Variants in ZNF385D observed in about 807,000 individuals in gnomAD.
The protein encoded by ZNF385D is zinc finger protein 659.
Under a neutral mutation model 35.8 loss-of-function variants are expected in ZNF385D, and 15 were observed. The ratio of observed to expected loss-of-function variants is 0.42; its 90% confidence interval spans 0.28 to 0.64. The LOEUF is 0.64. ZNF385D is among the 30% of genes least tolerant of loss of function. ZNF385D has a pLI of 0.23. For missense variants in ZNF385D, 474 were observed against 494.6 expected (o/e 0.96, Z 0.39); for synonymous variants, 212 against 186.8 (o/e 1.13, Z -1.10).
At chr3:22,132,320 C>G (rs941513965) in intron 3 of ZNF385D, among the ~76,000 whole-genome samples, 1 of 152,142 alleles carries the variant, frequency 6.6e-6, no homozygotes, top group Non-Finnish European at 1.5e-5. Flanking sequence ...AACGGACATT[C>G]ATCAGATACC....
chr3:21,933,487 G>A (rs908729817), intron 3 of ZNF385D, among the ~76,000 whole-genome samples: 7 of 152,130 alleles, frequency 4.6e-5, no homozygotes, highest in African/African-American at 1.7e-4. Context: ...TTGTGAAAAA[G>A]GCCAATGCTT....
At chr3:21,724,498 A>T (rs1364305500) in intron 1 of ZNF385D, among the ~76,000 whole-genome samples, 12 of 98,656 alleles carry the variant, frequency 1.2e-4, no homozygotes, top group African/African-American at 3.6e-4. Context: ...AAAAAAAAAA[A>T]AAAAAAAAAA....
At chr3:22,050,070 T>C (rs550171822) in intron 3 of ZNF385D, among the ~76,000 whole-genome samples, 7 of 152,216 alleles carry the variant, frequency 4.6e-5, no homozygotes, top group African/African-American at 1.7e-4. Context: ...ATTAGTTTAG[T>C]TAAAATGTTT....
intron 2 of ZNF385D, among the ~76,000 whole-genome samples, chr3:22,299,721 TAAAA>T (rs1316943521): frequency 6.6e-6 from 1 of 151,682 alleles, no homozygotes. Context: ...AAAATAGTTA[TAAAA>T]AATAGTAAAA....
chr3:21,911,277 T>G (rs1405568408), intron 3 of ZNF385D, among the ~76,000 whole-genome samples: 1 of 151,990 alleles, frequency 6.6e-6, no homozygotes, highest in African/African-American at 2.4e-5. Flanking sequence ...ATTTTAATAT[T>G]TAGCACATGT....
chr3:22,238,878 A>G (rs1204278108), intron 2 of ZNF385D, among the ~76,000 whole-genome samples: 1 of 150,348 alleles, frequency 6.7e-6, no homozygotes, highest in African/African-American at 2.5e-5. Context: ...GATTACAGGC[A>G]TGCACCACTA....
intron 3 of ZNF385D, among the ~76,000 whole-genome samples, chr3:21,514,298 C>T (rs1285240917): frequency 1.3e-5 from 2 of 152,110 alleles, no homozygotes; most frequent in Non-Finnish European, 2.9e-5. Context: ...AGTAACTGTA[C>T]TAATTCATTC....
intron 3 of ZNF385D, among the ~76,000 whole-genome samples, chr3:21,989,878 G>T (rs1695052605): frequency 6.6e-6 from 1 of 152,160 alleles, no homozygotes; most frequent in South Asian, 2.1e-4. Flanking sequence ...GCCGTTGAGT[G>T]AGAATTTCTT....
At chr3:22,357,649 T>G (rs910082600) in intron 2 of ZNF385D, among the ~76,000 whole-genome samples, 8 of 151,950 alleles carry the variant, frequency 5.3e-5, no homozygotes, top group African/African-American at 1.9e-4. Flanking sequence ...ATATTCATAT[T>G]AGGTCAACAG....
intron 2 of ZNF385D, among the ~76,000 whole-genome samples, chr3:21,653,812 A>T (rs551295807): frequency 2.0e-5 from 3 of 152,076 alleles, no homozygotes; most frequent in Non-Finnish European, 4.4e-5. Flanking sequence ...CAAAAGCTCC[A>T]TCTATCTGAG....
chr3:21,899,842 T>C (rs1283212552), intron 3 of ZNF385D, among the ~76,000 whole-genome samples: 1 of 152,082 alleles, frequency 6.6e-6, no homozygotes, highest in Non-Finnish European at 1.5e-5. Context: ...CCTGCCCTAC[T>C]CCCAATAGTA....
At chr3:22,004,917 T>C (rs542053401) in intron 3 of ZNF385D, among the ~76,000 whole-genome samples, 1 of 152,156 alleles carries the variant, frequency 6.6e-6, no homozygotes, top group East Asian at 1.9e-4. Context: ...CCCTGACCAC[T>C]TTGGGCACAC....
At chr3:21,542,362 A>G (rs191840548) in intron 3 of ZNF385D, among the ~76,000 whole-genome samples, 21 of 135,418 alleles carry the variant, frequency 1.6e-4, no homozygotes, top group African/African-American at 5.6e-4. Context: ...TTTTTTTCCC[A>G]GAGATGATGA....
At chr3:22,358,724 C>G (rs1338384448) in intron 2 of ZNF385D, among the ~76,000 whole-genome samples, 2 of 151,616 alleles carry the variant, frequency 1.3e-5, no homozygotes, top group Non-Finnish European at 3.0e-5. Context: ...AAATAAGATA[C>G]TATTTTGAAT....
chr3:22,340,825 C>T (rs947702680), intron 2 of ZNF385D, among the ~76,000 whole-genome samples: 1 of 152,198 alleles, frequency 6.6e-6, no homozygotes, highest in African/African-American at 2.4e-5. Flanking sequence ...AGGCTCACTG[C>T]CTTTTATGCC....
chr3:21,569,715 AT>A (rs1481422853), intron 2 of ZNF385D, among the ~76,000 whole-genome samples: 1 of 151,758 alleles, frequency 6.6e-6, no homozygotes, highest in Admixed American at 6.6e-5. Context: ...ACACCATGGA[AT>A]ACTATGCAGC....
intron 4 of ZNF385D, among the ~76,000 whole-genome samples, chr3:21,440,053 AT>A (rs1179594343): frequency 1.9e-4 from 29 of 152,102 alleles, no homozygotes; most frequent in African/African-American, 6.3e-4. Flanking sequence ...TTAAGTAGTA[AT>A]GGATTTTTCA....
intron 4 of ZNF385D, among the ~76,000 whole-genome samples, chr3:21,458,813 G>GA (rs1559310016): frequency 7.4e-6 from 1 of 135,764 alleles, no homozygotes; most frequent in African/African-American, 2.7e-5. Context: ...ATAATGCGGG[G>GA]TGGGGGGGCG....
intron 3 of ZNF385D, among the ~76,000 whole-genome samples, chr3:21,946,865 C>A (rs1352789316): frequency 6.6e-6 from 1 of 152,266 alleles, no homozygotes; most frequent in African/African-American, 2.4e-5. Context: ...AAAAAAATTA[C>A]TTTCTCATTT....
Sources: allele counts gnomAD v4.1 joint callset (sites outside exome capture counted in the v4.1 genomes callset), GRCh38; gene constraint gnomAD v4.1.1; transcripts MANE v1.5; gene names NCBI Gene and HGNC (gene_info 2026-07-23, HGNC 2026-07-21).